ATRNL1: variants seen among roughly 807,000 people sequenced by gnomAD.
ATRNL1 encodes the protein attractin like 1.
A neutral mutation model predicts 182.7 loss-of-function variants in ATRNL1; 95 were observed. That is an observed-to-expected ratio of 0.52 (90% CI 0.44 to 0.62). The LOEUF (loss-of-function observed/expected upper bound fraction) is 0.62, where lower values mean the gene tolerates loss of function less well. Ranked by LOEUF, ATRNL1 falls within the 20% of genes least tolerant of loss-of-function variation. ATRNL1 has a pLI of 0.00. For missense variants in ATRNL1, 1,471 were observed against 1,679.5 expected, an observed-to-expected ratio of 0.88 and a Z score of 2.17; for synonymous variants, 576 against 568.3, an observed-to-expected ratio of 1.01 and a Z score of -0.19.
At chr10:115,821,886 A>G (rs1442467326) in intron 27 of ATRNL1, among the ~76,000 whole-genome samples, 2 of 152,194 alleles carry the variant, frequency 1.3e-5, no homozygotes, top group African/African-American at 4.8e-5. Flanking sequence ...CAGAAAATTA[A>G]CAAGGATATT....
At chr10:115,586,754 C>T (rs1201996077) in intron 26 of ATRNL1, among the ~76,000 whole-genome samples, 2 of 119,618 alleles carry the variant, frequency 1.7e-5, no homozygotes, top group African/African-American at 2.7e-5. Flanking sequence ...TCTCTCAGCT[C>T]GTCAAAGTCA....
rs75646610 is a variant in ATRNL1, at chr10:115,359,261, G to A, written c.3175+24842G>A. ...ATGTTTTGTAGTTTTTTACATTCTT[G>A]TATGCTCACTATTAGGTAGTACTGT... On this transcript the variant is annotated intron_variant, in intron 19 of 28. Transcript: ENST00000355044. 7.6e-3 allele frequency among the ~76,000 whole-genome samples: 1,151 copies of A among 151,540 alleles called. 11 individuals are homozygous for A. Among genetic ancestry groups the A allele is most frequent in the Non-Finnish European group, 0.011 (739 of 67,580 alleles).
Position 115,341,510 on chromosome 10 carries a change from A to G in ATRNL1, c.3175+7091A>G, listed in dbSNP as rs147205399. ...CTGTTGGATGAAATTTTCTGTAACTATCTGATAGATCCATTTGGTCTATAG... is the reference window on the plus strand; with the variant it reads ...CTGTTGGATGAAATTTTCTGTAACTGTCTGATAGATCCATTTGGTCTATAG... On this transcript the variant is annotated intron_variant, in intron 19 of 28. Coordinates refer to ENST00000355044, the MANE Select transcript of ATRNL1 (RefSeq NM_207303.4). 7.3e-3 allele frequency among the ~76,000 whole-genome samples: 1,117 copies of G among 152,256 alleles called. 13 individuals are homozygous for G. Among genetic ancestry groups the G allele is most frequent in the South Asian group, 0.014 (69 of 4,828 alleles).
intron 19 of ATRNL1, among the ~76,000 whole-genome samples, chr10:115,355,028 C>T (rs1201397091): frequency 5.9e-5 from 9 of 151,854 alleles, no homozygotes; most frequent in African/African-American, 2.2e-4. Context: ...ATTTCAGTGT[C>T]TTTGTTAAAT....
At chr10:115,812,125 A>G (rs1437998889) in intron 27 of ATRNL1, among the ~76,000 whole-genome samples, 1 of 152,070 alleles carries the variant, frequency 6.6e-6, no homozygotes, top group Non-Finnish European at 1.5e-5. Context: ...TTTGCATGAA[A>G]TTTCTCTACC....
chr10:115,179,536 G>C (rs1297938472), intron 8 of ATRNL1, among the ~76,000 whole-genome samples: 1 of 152,012 alleles, frequency 6.6e-6, no homozygotes, highest in African/African-American at 2.4e-5. Flanking sequence ...TTTATAAATA[G>C]CCTTTATTAG....
intron 26 of ATRNL1, among the ~76,000 whole-genome samples, chr10:115,641,024 A>C (rs1008180440): frequency 5.3e-5 from 8 of 152,296 alleles, no homozygotes; most frequent in South Asian, 4.1e-4. Context: ...TTTATTAAAT[A>C]GGGAATCCTT....
chr10:115,327,433 A>G (rs1272445120), intron 18 of ATRNL1, among the ~76,000 whole-genome samples: 6 of 152,132 alleles, frequency 3.9e-5, no homozygotes, highest in African/African-American at 1.4e-4. Flanking sequence ...AAGTCAGGAA[A>G]CAACAGGTGC....
chr10:115,258,625 C>G (rs1554907750), intron 10 of ATRNL1, among the ~76,000 whole-genome samples: 1 of 152,128 alleles, frequency 6.6e-6, no homozygotes, highest in African/African-American at 2.4e-5. Flanking sequence ...GTTAACTTGT[C>G]AAAGTCATTC....
chr10:115,620,051 C>CCTT (rs1555022163), intron 26 of ATRNL1, among the ~76,000 whole-genome samples: 34 of 152,250 alleles, frequency 2.2e-4, no homozygotes, highest in Non-Finnish European at 3.7e-4. Flanking sequence ...GGCTGGATAA[C>CCTT]TTATAAATAA....
chr10:115,180,585 T>G (rs1847712118), intron 8 of ATRNL1, among the ~76,000 whole-genome samples: 1 of 152,006 alleles, frequency 6.6e-6, no homozygotes, highest in East Asian at 1.9e-4. Flanking sequence ...AAAAAATCCT[T>G]AGGATTTTCC....
chr10:115,484,430 T>C (rs943184996), intron 24 of ATRNL1, among the ~76,000 whole-genome samples: 4 of 151,652 alleles, frequency 2.6e-5, no homozygotes, highest in South Asian at 2.1e-4. Flanking sequence ...TGGCAGAATA[T>C]TTAATTTATC....
intron 21 of ATRNL1, among the ~76,000 whole-genome samples, chr10:115,457,516 G>C (rs1261353553): frequency 6.6e-6 from 1 of 151,946 alleles, no homozygotes; most frequent in African/African-American, 2.4e-5. Context: ...TCTGTCTCCT[G>C]TCACTACAAA....
chr10:115,545,072 A>C (rs1415725894), intron 25 of ATRNL1, among the ~76,000 whole-genome samples: 4 of 151,958 alleles, frequency 2.6e-5, no homozygotes, highest in Non-Finnish European at 5.9e-5. Context: ...ATGCCAAATG[A>C]GACATTCAGT....
intron 26 of ATRNL1, among the ~76,000 whole-genome samples, chr10:115,702,699 C>CA (rs1419743951): frequency 6.6e-6 from 1 of 151,650 alleles, no homozygotes; most frequent in Admixed American, 6.6e-5. Context: ...AATAGTCACA[C>CA]AAAAAATAAA....
At chr10:115,678,926 A>T (rs11197406) in intron 26 of ATRNL1, among the ~76,000 whole-genome samples, 1,774 of 152,200 alleles carry the variant, frequency 0.012, 34 homozygotes, top group African/African-American at 0.04. Flanking sequence ...CCTCACTCCA[A>T]ACCCAATAGA....
chr10:115,357,475 C>T (rs1412846769), intron 19 of ATRNL1, among the ~76,000 whole-genome samples: 1 of 151,714 alleles, frequency 6.6e-6, no homozygotes, highest in African/African-American at 2.4e-5. Flanking sequence ...GTCATGCCTA[C>T]AGCAGGTGTA....
rs1953872244 is a variant in ATRNL1, at chr10:115,946,145, A to G, written c.*1366A>G. ...ACAGAAATCTCCAAAGCTGCTGTATATGATATAGCTTTGTTAAATATGAAG... is the reference window on the plus strand; with the variant it reads ...ACAGAAATCTCCAAAGCTGCTGTATGTGATATAGCTTTGTTAAATATGAAG... On this transcript the variant is annotated 3_prime_UTR_variant, in exon 29 of 29. Coordinates refer to ENST00000355044, the MANE Select transcript of ATRNL1 (RefSeq NM_207303.4). The G allele has an allele frequency of 6.6e-6, 1 of 152,258 alleles. No homozygotes were observed. Among genetic ancestry groups the G allele is most frequent in the African/African-American group, 2.4e-5 (1 of 41,470 alleles). The allele number at this position is 152,258 out of a possible 1,614,324, so 9.4% of individuals were successfully genotyped here.
chr10:115,312,379 GATA>G (rs1554928136), intron 17 of ATRNL1, among the ~76,000 whole-genome samples: 1 of 152,110 alleles, frequency 6.6e-6, no homozygotes, highest in African/African-American at 2.4e-5. Flanking sequence ...AGTTTTGCTG[GATA>G]CAAAATTATT....
Sources: gnomAD v4.1 joint callset for allele counts (sites outside exome capture counted in the v4.1 genomes callset) on GRCh38, gnomAD v4.1.1 for gene constraint, MANE v1.5 for transcripts, NCBI Gene and HGNC (gene_info 2026-07-23, HGNC 2026-07-21) for gene names.